The following PPM1H variants were observed in gnomAD, a reference collection of about 807,000 sequenced individuals.
PPM1H encodes the protein protein phosphatase 1H.
PPM1H carries 27 observed loss-of-function variants against 54.9 expected under a neutral mutation model. The observed-to-expected ratio is 0.49, with a 90% CI of 0.36 to 0.68. The LOEUF (loss-of-function observed/expected upper bound fraction) is 0.68. Among genes scored for constraint, PPM1H ranks in the 30% least tolerant of loss-of-function variants. PPM1H has a pLI of 0.00. For missense variants in PPM1H, 596 were observed against 667.8 expected, an observed-to-expected ratio of 0.89 and a Z score of 1.19; for synonymous variants, 305 against 270.8, an observed-to-expected ratio of 1.13 and a Z score of -1.24.
chr12:62,905,074 C>A (rs1236934778), intron 1 of PPM1H, among the ~76,000 whole-genome samples: 1 of 152,176 alleles, frequency 6.6e-6, no homozygotes, highest in African/African-American at 2.4e-5. Context: ...CTAGTTCTCT[C>A]TCCTGGGCTT....
intron 5 of PPM1H, among the ~76,000 whole-genome samples, chr12:62,729,012 C>T (rs1315414751): frequency 1.3e-5 from 2 of 152,146 alleles, no homozygotes; most frequent in Middle Eastern, 3.2e-3. Context: ...GAGACTGTCC[C>T]AGGGCTTGGG....
At chr12:62,900,073 A>C (rs1022468377) in intron 1 of PPM1H, among the ~76,000 whole-genome samples, 6 of 152,308 alleles carry the variant, frequency 3.9e-5, no homozygotes, top group Non-Finnish European at 7.3e-5. Flanking sequence ...ACTGTGAGAA[A>C]TTTCTGTTGT....
intron 2 of PPM1H, among the ~76,000 whole-genome samples, chr12:62,802,533 G>A (rs1157199042): frequency 1.3e-5 from 2 of 151,242 alleles, no homozygotes; most frequent in Admixed American, 6.6e-5. Context: ...AAGTCTGTAC[G>A]AGTCCAGCTT....
chr12:62,789,256 C>T (rs1329990325), intron 3 of PPM1H, among the ~76,000 whole-genome samples: 2 of 152,190 alleles, frequency 1.3e-5, no homozygotes, highest in East Asian at 3.9e-4. Context: ...CTCAAACAAT[C>T]CTGTCTCAGC....
At chr12:62,745,692 AAG>A (rs1216952784) in intron 4 of PPM1H, among the ~76,000 whole-genome samples, 18 of 152,356 alleles carry the variant, frequency 1.2e-4, no homozygotes, top group African/African-American at 3.6e-4. Flanking sequence ...TTAGAAAAAT[AAG>A]AACTGGTTAA....
At position 62,689,694 on chromosome 12, in the gene PPM1H, G is replaced by T; in HGVS notation, c.1245+5C>A. ...CAAAATATAAACAAAAACCTCATGC[G>T]GTACCTCTGGAGCTGAAGACAGGAA... On this transcript the variant is annotated splice_donor_5th_base_variant and intron_variant, in intron 8 of 9. Transcript: ENST00000228705. 7 of 1,607,704 alleles carry T rather than the reference G, an allele frequency of 4.4e-6. No individual in the cohort carries two copies. The highest frequency in any genetic ancestry group is 6.0e-6 in the Non-Finnish European group (7 of 1,175,282).
At chr12:62,761,139 C>T (rs2076506290) in intron 4 of PPM1H, among the ~76,000 whole-genome samples, 1 of 152,072 alleles carries the variant, frequency 6.6e-6, no homozygotes, top group African/African-American at 2.4e-5. Flanking sequence ...AAATAAAAAG[C>T]CGTAATCTCA....
intron 8 of PPM1H, among the ~76,000 whole-genome samples, chr12:62,669,849 G>GA (rs1227185249): frequency 6.6e-6 from 1 of 150,952 alleles, no homozygotes; most frequent in Non-Finnish European, 1.5e-5. Flanking sequence ...TGAGGCAGGA[G>GA]AATTGCTTGA....
chr12:62,743,409 G>A (rs1027607886), intron 4 of PPM1H, among the ~76,000 whole-genome samples: 8 of 151,384 alleles, frequency 5.3e-5, no homozygotes, highest in Non-Finnish European at 1.0e-4. Flanking sequence ...TACATGAGAG[G>A]ATAAAGGTAA....
rs192214282 is a variant in PPM1H, at chr12:62,870,967, G to A, written c.246-38688C>T. On this transcript the variant is annotated intron_variant, in intron 1 of 9. Transcript: ENST00000228705. ...GAACCCTTATCACTGGTGGTGGGAA[G>A]GTAAAATGGTGCAGCCACTTTGGAA... Among the ~76,000 whole-genome samples, 143 of 152,290 alleles carry A rather than the reference G, an allele frequency of 9.4e-4. 1 individual carries two copies. The Middle Eastern group carries it at 0.01, about 11-fold the overall frequency.
At chr12:62,833,575 T>C (rs1390876544) in intron 1 of PPM1H, among the ~76,000 whole-genome samples, 1 of 152,104 alleles carries the variant, frequency 6.6e-6, no homozygotes, top group Non-Finnish European at 1.5e-5. Context: ...CTTTTAGTAC[T>C]AAAAATGGTA....
chr12:62,748,825 G>T (rs1477873565), intron 4 of PPM1H, among the ~76,000 whole-genome samples: 1 of 152,144 alleles, frequency 6.6e-6, no homozygotes, highest in Non-Finnish European at 1.5e-5. Flanking sequence ...GTGATTATAG[G>T]TGCCAACTCC....
At chr12:62,657,275 A>C (rs755210623) in intron 9 of PPM1H, among the ~76,000 whole-genome samples, 2 of 152,130 alleles carry the variant, frequency 1.3e-5, no homozygotes, top group Non-Finnish European at 2.9e-5. Flanking sequence ...GTAGGTTTTT[A>C]GTTCAAATTC....
intron 9 of PPM1H, among the ~76,000 whole-genome samples, chr12:62,653,000 T>C (rs1029255975): frequency 2.0e-5 from 3 of 152,250 alleles, no homozygotes; most frequent in Admixed American, 1.3e-4. Context: ...GATAGCTTTA[T>C]TGTTATGCAA....
intron 5 of PPM1H, among the ~76,000 whole-genome samples, 160 bp from the exon 6 acceptor site, chr12:62,720,449 A>G (rs960458050): frequency 1.3e-5 from 2 of 152,094 alleles, no homozygotes; most frequent in African/African-American, 4.8e-5. Context: ...AAACACTAAT[A>G]GAAGACGAGC....
intron 4 of PPM1H, among the ~76,000 whole-genome samples, chr12:62,738,409 T>C (rs12817655): frequency 0.096 from 14,632 of 151,918 alleles, 786 homozygotes; most frequent in Admixed American, 0.16. Flanking sequence ...AGGAAACTCA[T>C]ACACTCCAAA....
chr12:62,657,833 C>A (rs1383078415), intron 9 of PPM1H, among the ~76,000 whole-genome samples: 2 of 152,110 alleles, frequency 1.3e-5, no homozygotes, highest in East Asian at 3.9e-4. Flanking sequence ...TAACCTTTCA[C>A]TGATTAATCT....
chr12:62,700,678 C>T (rs1319233233), intron 6 of PPM1H, among the ~76,000 whole-genome samples: 1 of 152,082 alleles, frequency 6.6e-6, no homozygotes, highest in African/African-American at 2.4e-5. Context: ...AGGCAAGAGG[C>T]GATGGTGCTA....
chr12:62,648,675 A>C (rs935502227), intron 9 of PPM1H, 39 bp from the exon 10 acceptor site: 36 of 1,603,924 alleles, frequency 2.2e-5, no homozygotes, highest in Non-Finnish European at 2.9e-5. Flanking sequence ...TCAGTAGAGC[A>C]TCAGACAGAA....
Sources: gnomAD v4.1 joint callset for allele counts (sites outside exome capture counted in the v4.1 genomes callset) on GRCh38, gnomAD v4.1.1 for gene constraint, MANE v1.5 for transcripts, NCBI Gene and HGNC (gene_info 2026-07-23, HGNC 2026-07-21) for gene names.